KIF16B: variants seen among roughly 807,000 people sequenced by gnomAD.
KIF16B encodes the protein kinesin-like protein KIF16B.
KIF16B carries 98 observed loss-of-function variants against 156.3 expected under a neutral mutation model. That is an observed-to-expected ratio of 0.63 (90% CI 0.53 to 0.74). The LOEUF (loss-of-function observed/expected upper bound fraction) is 0.74. Ranked by LOEUF, KIF16B falls within the 30% of genes least tolerant of loss-of-function variation. The pLI is 0.00. For synonymous variants in KIF16B, 564 were observed against 583.7 expected, an observed-to-expected ratio of 0.97 and a Z score of 0.49; for missense variants, 1,421 against 1,606.5, an observed-to-expected ratio of 0.88 and a Z score of 1.97.
At chr20:16,519,477 T>C (rs977186380) in intron 3 of KIF16B, among the ~76,000 whole-genome samples, 1 of 152,206 alleles carries the variant, frequency 6.6e-6, no homozygotes, top group Admixed American at 6.5e-5. Flanking sequence ...CCTCCAACTT[T>C]AACATTTACA....
intron 1 of KIF16B, among the ~76,000 whole-genome samples, chr20:16,561,546 T>A (rs974361057): frequency 1.3e-5 from 2 of 152,150 alleles, no homozygotes; most frequent in Non-Finnish European, 2.9e-5. Context: ...AGGGGAAAAT[T>A]CTTTTGCAAA....
At chr20:16,282,690 C>T (rs1420340849) in intron 25 of KIF16B, among the ~76,000 whole-genome samples, 1 of 152,082 alleles carries the variant, frequency 6.6e-6, no homozygotes, top group Non-Finnish European at 1.5e-5. Context: ...ACCAGGCCCA[C>T]AGGCACAGAG....
intron 24 of KIF16B, among the ~76,000 whole-genome samples, chr20:16,315,959 T>C (rs77159817): frequency 0.047 from 7,149 of 152,264 alleles, 214 homozygotes; most frequent in Non-Finnish European, 0.075. Flanking sequence ...CATGCCCCCA[T>C]TAATATAATG....
chr20:16,520,316 G>T (rs2069297256), intron 3 of KIF16B, among the ~76,000 whole-genome samples: 1 of 152,122 alleles, frequency 6.6e-6, no homozygotes, highest in Non-Finnish European at 1.5e-5. Flanking sequence ...GTCTGAAGTG[G>T]ACCTGGGATG....
chr20:16,398,084 T>C (rs975674326), intron 17 of KIF16B, among the ~76,000 whole-genome samples: 1 of 152,190 alleles, frequency 6.6e-6, no homozygotes, highest in African/African-American at 2.4e-5. Context: ...ACAAAATGCC[T>C]GCGAGAGGAT....
intron 21 of KIF16B, among the ~76,000 whole-genome samples, chr20:16,370,965 C>G (rs1345543670): frequency 4.6e-5 from 7 of 151,970 alleles, no homozygotes; most frequent in Non-Finnish European, 7.4e-5. Context: ...TATGTATCTT[C>G]TAAAAGTCAA....
intron 16 of KIF16B, among the ~76,000 whole-genome samples, chr20:16,406,000 T>C (rs1442557888): frequency 2.6e-5 from 4 of 152,234 alleles, no homozygotes; most frequent in East Asian, 1.9e-4. Context: ...AAAATCTGTT[T>C]ACTGTGGCTG....
chr20:16,327,030 T>TAC lies in KIF16B; in HGVS notation c.3711+8894_3711+8895dup, dbSNP rs55928256. ...ATGCATATATGTGTGTGTATATATA[T>TAC]ACACACACACATATATATGTATGTA... On this transcript the variant is annotated intron_variant, in intron 24 of 25. Coordinates refer to ENST00000354981, the MANE Select transcript of KIF16B (RefSeq NM_024704.5). 2.7e-4 allele frequency among the ~76,000 whole-genome samples: 40 copies of TAC among 146,734 alleles called. No homozygotes were observed. In the East Asian group the frequency reaches 3.1e-3, roughly 11 times the overall value.
At chr20:16,410,209 A>G (rs979751760) in intron 15 of KIF16B, among the ~76,000 whole-genome samples, 5 of 143,340 alleles carry the variant, frequency 3.5e-5, no homozygotes, top group African/African-American at 5.3e-5. Flanking sequence ...ATGTAGGTAC[A>G]TATACATGTA....
intron 20 of KIF16B, among the ~76,000 whole-genome samples, chr20:16,373,226 C>T (rs1172422303): frequency 1.3e-5 from 2 of 152,118 alleles, no homozygotes; most frequent in Admixed American, 6.5e-5. Context: ...AAATTGTGTG[C>T]TACTGAACAT....
chr20:16,410,214 C>CATGT (rs1568949200), intron 15 of KIF16B, among the ~76,000 whole-genome samples: 1 of 120,226 alleles, frequency 8.3e-6, no homozygotes, highest in African/African-American at 3.5e-5. Context: ...GGTACATATA[C>CATGT]ATGTAGGTAC....
intron 12 of KIF16B, among the ~76,000 whole-genome samples, chr20:16,431,626 T>C (rs1356940196): frequency 6.6e-6 from 1 of 152,088 alleles, no homozygotes; most frequent in Non-Finnish European, 1.5e-5. Context: ...CACAGTAGGA[T>C]ATTTTGTAGC....
intron 22 of KIF16B, among the ~76,000 whole-genome samples, chr20:16,359,350 C>T (rs966906164): frequency 6.6e-6 from 1 of 152,184 alleles, no homozygotes; most frequent in Non-Finnish European, 1.5e-5. Flanking sequence ...CTCCCTCACA[C>T]TCTTTCTCTT....
At chr20:16,318,793 C>G (rs1324406849) in intron 24 of KIF16B, among the ~76,000 whole-genome samples, 1 of 151,838 alleles carries the variant, frequency 6.6e-6, no homozygotes, top group Non-Finnish European at 1.5e-5. Flanking sequence ...AGAATAATTC[C>G]AAATAATTTA....
At chr20:16,287,983 G>A (rs146930437) in intron 25 of KIF16B, among the ~76,000 whole-genome samples, 23 of 152,326 alleles carry the variant, frequency 1.5e-4, no homozygotes, top group East Asian at 7.7e-4. Flanking sequence ...GCTGGGCAAG[G>A]AGCCCAGTTC....
intron 22 of KIF16B, among the ~76,000 whole-genome samples, chr20:16,365,225 T>C (rs1568888190): frequency 1.3e-5 from 2 of 152,172 alleles, no homozygotes; most frequent in Non-Finnish European, 2.9e-5. Flanking sequence ...ATATTAGTTT[T>C]AAAAAGTTAA....
intron 22 of KIF16B, chr20:16,367,789 G>A: frequency 6.2e-7 from 1 of 1,612,622 alleles, no homozygotes; most frequent in Non-Finnish European, 8.5e-7. Flanking sequence ...AGCGGCATCA[G>A]GCTCTGGCAT....
chr20:16,390,033 T>C (rs538025812), intron 17 of KIF16B, among the ~76,000 whole-genome samples: 57 of 152,236 alleles, frequency 3.7e-4, no homozygotes, highest in African/African-American at 1.3e-3. Context: ...GGGGTGTGTA[T>C]CAAGATGGGG....
intron 15 of KIF16B, among the ~76,000 whole-genome samples, chr20:16,416,466 A>G (rs2066089297): frequency 6.6e-6 from 1 of 152,146 alleles, no homozygotes; most frequent in Non-Finnish European, 1.5e-5. Flanking sequence ...TCAGCAAACT[A>G]ACACAGGAAC....
Sources: allele counts gnomAD v4.1 joint callset (sites outside exome capture counted in the v4.1 genomes callset), GRCh38; gene constraint gnomAD v4.1.1; transcripts MANE v1.5; gene names NCBI Gene and HGNC (gene_info 2026-07-23, HGNC 2026-07-21).